The following IVD variants were observed in gnomAD, a reference collection of about 807,000 sequenced individuals.
IVD encodes the protein isovaleryl-CoA dehydrogenase, mitochondrial.
A neutral mutation model predicts 51.3 loss-of-function variants in IVD; 31 were observed. The observed-to-expected ratio is 0.60, with a 90% CI of 0.45 to 0.81. The LOEUF (loss-of-function observed/expected upper bound fraction) is 0.81, where lower values mean the gene tolerates loss of function less well. IVD is among the 40% of genes least tolerant of loss of function. The pLI, the probability that IVD is intolerant of heterozygous loss-of-function variation, is 0.00. For synonymous variants in IVD, 205 were observed against 219.4 expected (o/e 0.93, Z 0.58); for missense variants, 475 against 552.0 (o/e 0.86, Z 1.40).
At chr15:40,421,692 G>C (rs1307369802), downstream of IVD, among the ~76,000 whole-genome samples, 1 of 152,194 alleles carries the variant, frequency 6.6e-6, no homozygotes, top group African/African-American at 2.4e-5. Flanking sequence ...CCTAAAGCAG[G>C]CTTCCCCAGG....
chr15:40,425,534 T>A (rs1308575708), downstream of IVD, among the ~76,000 whole-genome samples: 4 of 151,494 alleles, frequency 2.6e-5, no homozygotes, highest in Non-Finnish European at 5.9e-5. Context: ...TTGGTTTTTT[T>A]GTTTGTTTGT....
chr15:40,432,897 CAAG>C (rs1218821764), intron 7 of IVD, among the ~76,000 whole-genome samples: 1 of 152,168 alleles, frequency 6.6e-6, no homozygotes, highest in African/African-American at 2.4e-5. Flanking sequence ...AGATGGGAGA[CAAG>C]GAGTACAAAA....
intron 1 of IVD, chr15:40,406,398 T>A (rs1890421373): frequency 8.1e-7 from 1 of 1,233,122 alleles, no homozygotes; most frequent in African/African-American, 1.5e-5. Context: ...AGGGAGTCTT[T>A]TTTGTATAAA....
intron 11 of IVD, among the ~76,000 whole-genome samples, chr15:40,416,788 C>A (rs971541423): frequency 6.6e-6 from 1 of 152,164 alleles, no homozygotes; most frequent in African/African-American, 2.4e-5. Flanking sequence ...TCTTTCTGTC[C>A]CAGTTACAAG....
intron 11 of IVD, 102 bp from the exon 12 acceptor site, chr15:40,418,028 A>C: frequency 1.5e-5 from 21 of 1,442,618 alleles, no homozygotes; most frequent in South Asian, 2.4e-5. Context: ...TTCTTTAATC[A>C]CCCTCTCCTC....
At chr15:40,411,156 C>G (rs1167040128) in intron 4 of IVD, 104 bp from the exon 5 acceptor site, 1 of 1,120,552 alleles carries the variant, frequency 8.9e-7, no homozygotes, top group African/African-American at 1.5e-5. Context: ...GGTCTGAGAG[C>G]GAAGTTTGAA....
Position 40,418,391 on chromosome 15 carries a change from C to T in IVD, c.*128C>T. 1.3e-6 allele frequency: 2 copies of T among 1,582,462 alleles called. No individual in the cohort carries two copies. The highest frequency in any genetic ancestry group is 1.7e-6 in the Non-Finnish European group (2 of 1,170,156). On this transcript the variant is annotated 3_prime_UTR_variant, in exon 12 of 12. Coordinates refer to ENST00000487418, the MANE Select transcript of IVD (RefSeq NM_002225.5). ...GCTGCTCTTGTCAGCCCTCTGGCCT[C>T]TGGATGAGGTTGAGTTCTCCACAAC... is the stretch of plus-strand genomic sequence containing the variant.
At chr15:40,435,330 G>C (rs757299347) in intron 8 of IVD, 14 of 930,278 alleles carry the variant, frequency 1.5e-5, no homozygotes, top group Non-Finnish European at 1.8e-5. Flanking sequence ...TTTCTTCCCC[G>C]GGGAAAGAGA....
intron 7 of IVD, among the ~76,000 whole-genome samples, chr15:40,431,404 A>C (rs535194876): frequency 1.3e-4 from 19 of 151,494 alleles, no homozygotes; most frequent in Non-Finnish European, 1.6e-4. Context: ...GGGGATTAAG[A>C]GTATGTGTAG....
chr15:40,428,478 G>A (rs1892792727), downstream of IVD, among the ~76,000 whole-genome samples: 1 of 152,064 alleles, frequency 6.6e-6, no homozygotes, highest in African/African-American at 2.4e-5. Flanking sequence ...CCTCTCCCCT[G>A]GTACCCTCCC....
chr15:40,432,418 TGGTGCCTGCACAGTGCAGAGCACA>T (rs1893029411), intron 7 of IVD, among the ~76,000 whole-genome samples: 1 of 152,222 alleles, frequency 6.6e-6, no homozygotes, highest in Non-Finnish European at 1.5e-5. Flanking sequence ...CAAGTCTTCT[TGGTGCCTGCACAGTGCAGAGCACA>T]GGTGGCACCA....
intron 8 of IVD, among the ~76,000 whole-genome samples, chr15:40,435,033 C>T (rs1342610866): frequency 6.6e-6 from 1 of 152,170 alleles, no homozygotes; most frequent in East Asian, 1.9e-4. Context: ...CATTAATGGC[C>T]CTAAGCCTCA....
intron 7 of IVD, among the ~76,000 whole-genome samples, chr15:40,433,172 T>G (rs1893076953): frequency 6.6e-6 from 1 of 152,178 alleles, no homozygotes; most frequent in African/African-American, 2.4e-5. Flanking sequence ...GACCTCTATT[T>G]TATATGTTAA....
chr15:40,409,602 A>C (rs1890831748), intron 3 of IVD, among the ~76,000 whole-genome samples: 1 of 152,164 alleles, frequency 6.6e-6, no homozygotes, highest in Admixed American at 6.5e-5. Context: ...TATTGGTCAG[A>C]GTGAACATGT....
intron 7 of IVD, chr15:40,414,634 A>G: frequency 2.2e-6 from 1 of 463,626 alleles, no homozygotes; most frequent in Non-Finnish European, 4.0e-6. Flanking sequence ...GAGTCCAGAG[A>G]GGGAAGGGAA....
Position 40,411,300 on chromosome 15 carries a change from AG to A in IVD, c.498del (p.Glu166AspfsTer11), listed in dbSNP as rs398123684. On this transcript the variant is annotated frameshift_variant, in exon 5 of 12. Transcript: ENST00000487418. LOFTEE classifies it high-confidence loss of function. ...GEYIGALAMS[E>X]PNAGSDVVSM... ...TACATCGGAGCCCTGGCCATGAGTG[AG>A]CCCAATGCAGGCTCTGATGTTGTCT... The A allele has an allele frequency of 3.5e-5, 56 of 1,614,050 alleles. No individual in the cohort carries two copies. Among genetic ancestry groups the A allele is most frequent in the Non-Finnish European group, 4.7e-5 (55 of 1,180,038 alleles).
At chr15:40,412,410 T>C (rs1482326837) in intron 6 of IVD, among the ~76,000 whole-genome samples, 1 of 152,010 alleles carries the variant, frequency 6.6e-6, no homozygotes, top group Non-Finnish European at 1.5e-5. Flanking sequence ...GTACCCTCCA[T>C]AGAGAGGGGG....
intron 11 of IVD, 80 bp downstream of exon 11, chr15:40,416,442 G>T (rs867711998): frequency 4.5e-6 from 6 of 1,330,470 alleles, no homozygotes; most frequent in Non-Finnish European, 6.4e-6. Flanking sequence ...GTTTCAGGGC[G>T]GGCGTGGTGG....
At chr15:40,413,315 T>G in intron 7 of IVD, 1 of 574,290 alleles carries the variant, frequency 1.7e-6, no homozygotes, top group Non-Finnish European at 3.2e-6. Context: ...GGGTCTGTAC[T>G]CAGTAGCCGG....
Sources: allele counts gnomAD v4.1 joint callset (sites outside exome capture counted in the v4.1 genomes callset), GRCh38; gene constraint gnomAD v4.1.1; transcripts MANE v1.5; gene names NCBI Gene and HGNC (gene_info 2026-07-23, HGNC 2026-07-21).